The following CACNA1A variants were observed in gnomAD, a reference collection of about 807,000 sequenced individuals.
CACNA1A encodes the protein voltage-dependent P/Q-type calcium channel subunit alpha-1A.
A neutral mutation model predicts 262.4 loss-of-function variants in CACNA1A; 57 were observed. That is an observed-to-expected ratio of 0.22 (90% CI 0.18 to 0.27). The LOEUF (loss-of-function observed/expected upper bound fraction) is 0.27, where lower values mean the gene tolerates loss of function less well. Among genes scored for constraint, CACNA1A ranks in the 10% least tolerant of loss-of-function variants. CACNA1A has a pLI of 1.00. For missense variants in CACNA1A, 2,526 were observed against 3,562.8 expected, an observed-to-expected ratio of 0.71 and a Z score of 7.41; for synonymous variants, 1,431 against 1,419.3, an observed-to-expected ratio of 1.01 and a Z score of -0.18.
rs1429248702 is a variant in CACNA1A, at chr19:13,207,476, C to T, written c.7358G>A (p.Arg2453Lys). The T allele has an allele frequency of 5.5e-6, 8 of 1,450,284 alleles. No homozygotes were observed. The highest frequency in any genetic ancestry group is 9.0e-7 in the Non-Finnish European group (1 of 1,107,912). 89.8% of individuals were successfully genotyped at this position (1,450,284 alleles called of 1,614,324 possible). ...GGCCGGGCCCGAGGCCCGGGGAGTC[C>T]TGGGCGAGCGCCCGGTGGCGCCCGA... ...ASSGATGRSP[R>K]TPRASGPACA... Residue 2453 changes from arginine to lysine, a missense_variant, in exon 47 of 47, where the codon AGG becomes AAG. Arg to Lys is a conservative substitution (Grantham distance 26). Transcript: ENST00000360228. The surrounding 1 kb of genome is among the most constrained non-coding windows in gnomAD (Gnocchi z 5.7).
At chr19:13,405,936 A>G (rs2059995030) in intron 3 of CACNA1A, among the ~76,000 whole-genome samples, 1 of 152,304 alleles carries the variant, frequency 6.6e-6, no homozygotes, top group South Asian at 2.1e-4. Context: ...GCATCCATTC[A>G]TGTGGTCTCA....
At chr19:13,394,702 C>T (rs548288215) in intron 3 of CACNA1A, among the ~76,000 whole-genome samples, 43 of 152,268 alleles carry the variant, frequency 2.8e-4, no homozygotes, top group African/African-American at 1.0e-3. Flanking sequence ...CCTATACCCA[C>T]TTCACTGATA....
At position 13,207,489 on chromosome 19, in the gene CACNA1A, C is replaced by T. The variant is rs1439112993; in HGVS notation, c.7345G>A (p.Gly2449Arg). The T allele has an allele frequency of 2.1e-6, 3 of 1,424,862 alleles. No homozygotes were observed. The highest frequency in any genetic ancestry group is 3.1e-5 in the East Asian group (1 of 32,510). The allele number at this position is 1,424,862 out of a possible 1,614,324, so 88.3% of individuals were successfully genotyped here. Residue 2449 changes from glycine (G) to arginine (R), a missense_variant, in exon 47 of 47, where the codon GGG (glycine) becomes AGG (arginine). This residue lies in a region of CACNA1A where 929 missense variants were observed against 868.1 expected (regional missense o/e 1.07). Transcript: ENST00000360228. The surrounding 1 kb of genome is among the most constrained non-coding windows in gnomAD (Gnocchi z 5.7). ...PVRHASSGAT[G>R]RSPRTPRASG... ...GCCCGGGGAGTCCTGGGCGAGCGCC[C>T]GGTGGCGCCCGAGGACGCGTGTCGT...
intron 3 of CACNA1A, among the ~76,000 whole-genome samples, chr19:13,398,776 G>A (rs757762574): frequency 2.6e-5 from 4 of 152,230 alleles, no homozygotes; most frequent in Non-Finnish European, 4.4e-5. Flanking sequence ...TCATTCATGA[G>A]AAGTGCTGAG....
chr19:13,490,128 G>A (rs181304746), intron 1 of CACNA1A, among the ~76,000 whole-genome samples: 162 of 152,284 alleles, frequency 1.1e-3, no homozygotes, highest in Middle Eastern at 3.4e-3. Flanking sequence ...TTAGAGAAAA[G>A]TAAATGACCA....
At chr19:13,264,797 C>G (rs142597695) in intron 24 of CACNA1A, among the ~76,000 whole-genome samples, 1 of 152,062 alleles carries the variant, frequency 6.6e-6, no homozygotes, top group African/African-American at 2.4e-5. Context: ...TTTGTTTCTT[C>G]GGTCTCTGGT....
chr19:13,317,386 G>T, intron 10 of CACNA1A, 65 bp from the exon 11 acceptor site: 2 of 1,336,344 alleles, frequency 1.5e-6, no homozygotes, highest in Non-Finnish European at 2.1e-6. Flanking sequence ...TAACCAATGT[G>T]CAGCCCAAGC....
intron 1 of CACNA1A, among the ~76,000 whole-genome samples, chr19:13,494,544 A>T (rs1301842983): frequency 6.6e-6 from 1 of 152,208 alleles, no homozygotes; most frequent in Non-Finnish European, 1.5e-5. Flanking sequence ...AAGAGATGAG[A>T]TCAAAGACAA....
chr19:13,365,133 C>T (rs549467215), intron 5 of CACNA1A, 184 bp downstream of exon 5: 4 of 482,154 alleles, frequency 8.3e-6, no homozygotes, highest in African/African-American at 1.9e-5. Flanking sequence ...TTCTGTGGAA[C>T]CCCACCCCTT....
intron 1 of CACNA1A, among the ~76,000 whole-genome samples, chr19:13,502,513 C>A (rs1485140707): frequency 6.6e-6 from 1 of 152,126 alleles, no homozygotes; most frequent in African/African-American, 2.4e-5. Context: ...TTTGAGCTGA[C>A]AGATCTGAGC....
chr19:13,297,378 G>A (rs1056136248), intron 19 of CACNA1A, among the ~76,000 whole-genome samples: 2 of 152,182 alleles, frequency 1.3e-5, no homozygotes, highest in Non-Finnish European at 2.9e-5. Flanking sequence ...ACCTTGAGGA[G>A]CTCACTCAAT....
At chr19:13,246,770 C>T (rs144274395) in intron 30 of CACNA1A, among the ~76,000 whole-genome samples, 39 of 152,218 alleles carry the variant, frequency 2.6e-4, no homozygotes, top group East Asian at 1.4e-3. Context: ...GGACTACAGG[C>T]GCCCACCACC....
At chr19:13,301,596 G>C (rs2144969152) in intron 17 of CACNA1A, among the ~76,000 whole-genome samples, 1 of 152,322 alleles carries the variant, frequency 6.6e-6, no homozygotes, top group East Asian at 1.9e-4. Flanking sequence ...AATACATACA[G>C]AAAAAGACGT....
rs2055508838 is a variant in CACNA1A, at chr19:13,227,649, G to A, written c.5529-122C>T. 6 of 404,610 alleles carry A rather than the reference G, an allele frequency of 1.5e-5. No homozygotes were observed. The South Asian group carries it at 2.7e-4, about 18-fold the overall frequency. The allele number at this position is 404,610 out of a possible 1,614,324, so 25.1% of individuals were successfully genotyped here. A position where few individuals can be genotyped will look rare whatever the true frequency, so the allele number is the denominator to read the frequency against. On this transcript the variant is annotated intron_variant, in intron 36 of 46. Coordinates refer to ENST00000360228, the MANE Select transcript of CACNA1A (RefSeq NM_001127222.2). The stretch of plus-strand genomic sequence containing the variant: ...GAAGAAAGAAAAAAGAAATCCACAC[G>A]AGCCGAAAAAATAGAGAGAGAAAGA...
At chr19:13,409,350 G>A (rs1217739142) in intron 3 of CACNA1A, among the ~76,000 whole-genome samples, 1 of 151,846 alleles carries the variant, frequency 6.6e-6, no homozygotes, top group African/African-American at 2.4e-5. Flanking sequence ...ATCTTGACAT[G>A]TGAAATGGTT....
intron 4 of CACNA1A, 126 bp downstream of exon 4, chr19:13,371,562 A>G (rs2144558355): frequency 1.4e-6 from 1 of 693,966 alleles, no homozygotes; most frequent in East Asian, 2.7e-5. Flanking sequence ...GGGAGTCCCA[A>G]AGAAGAGACT....
chr19:13,373,028 T>C (rs1171385558), intron 3 of CACNA1A, among the ~76,000 whole-genome samples: 2 of 152,182 alleles, frequency 1.3e-5, no homozygotes, highest in Non-Finnish European at 2.9e-5. Context: ...TGATGTACAG[T>C]GCGTGGTCAA....
At chr19:13,218,312 G>A (rs1255739471) in intron 38 of CACNA1A, among the ~76,000 whole-genome samples, 1 of 152,160 alleles carries the variant, frequency 6.6e-6, no homozygotes, top group Non-Finnish European at 1.5e-5. Context: ...CTTGGGCCAC[G>A]TGGTATCAGT....
intron 3 of CACNA1A, among the ~76,000 whole-genome samples, chr19:13,421,025 A>C (rs980390531): frequency 3.9e-5 from 6 of 152,184 alleles, no homozygotes; most frequent in Non-Finnish European, 7.3e-5. Flanking sequence ...GTGATATGTC[A>C]GTGGAAGTGA....
Sources: allele counts gnomAD v4.1 joint callset (sites outside exome capture counted in the v4.1 genomes callset), GRCh38; gene constraint gnomAD v4.1.1; regional missense constraint gnomAD v4.1.1; non-coding constraint Gnocchi (gnomAD v3.1); transcripts MANE v1.5; gene names NCBI Gene and HGNC (gene_info 2026-07-23, HGNC 2026-07-21).